Variants in TTC7B observed in about 807,000 individuals in gnomAD.
TTC7B encodes tetratricopeptide repeat protein 7B.
Under a neutral mutation model 106.8 loss-of-function variants are expected in TTC7B, and 28 were observed. That is an observed-to-expected ratio of 0.26 (90% CI 0.19 to 0.36). The LOEUF (loss-of-function observed/expected upper bound fraction) is 0.36. Ranked by LOEUF, TTC7B falls within the 10% of genes least tolerant of loss-of-function variation. TTC7B has a pLI of 1.00. For synonymous variants in TTC7B, 405 were observed against 430.6 expected (o/e 0.94, Z 0.74); for missense variants, 862 against 1,076.4 (o/e 0.80, Z 2.79).
chr14:90,658,472 C>T, intron 9 of TTC7B, 85 bp from the exon 10 acceptor site: 1 of 1,276,138 alleles, frequency 7.8e-7, no homozygotes, highest in Non-Finnish European at 1.1e-6. Context: ...TCTATGCACA[C>T]TAAGGTAAGT....
At chr14:90,743,757 T>A (rs902956230) in intron 4 of TTC7B, among the ~76,000 whole-genome samples, 1 of 146,160 alleles carries the variant, frequency 6.8e-6, no homozygotes, top group African/African-American at 2.6e-5. Context: ...AAGTAGGAAC[T>A]ATGATTATGT....
intron 17 of TTC7B, among the ~76,000 whole-genome samples, chr14:90,599,844 T>C (rs1401747539): frequency 6.6e-6 from 1 of 152,010 alleles, no homozygotes; most frequent in Non-Finnish European, 1.5e-5. Context: ...AGCAGTTCCA[T>C]CTCTTAAAGA....
chr14:90,772,449 G>A (rs1451252452), intron 3 of TTC7B, among the ~76,000 whole-genome samples: 1 of 152,090 alleles, frequency 6.6e-6, no homozygotes, highest in Non-Finnish European at 1.5e-5. Flanking sequence ...AAGTGTTTAC[G>A]ATCTATAGTG....
At position 90,608,468 on chromosome 14, in the gene TTC7B, C is replaced by T. The variant is rs1892740835; in HGVS notation, c.1966+2274G>A. 6.6e-6 allele frequency among the ~76,000 whole-genome samples: 1 copy of T among 152,104 alleles called. No homozygotes were observed. The highest frequency in any genetic ancestry group is 1.5e-5 in the Non-Finnish European group (1 of 68,020). On this transcript the variant is annotated intron_variant, in intron 17 of 19. Transcript: ENST00000328459. The surrounding 1 kb of genome is among the most constrained non-coding windows in gnomAD (Gnocchi z 5.1). ...AACAATGAAACCGTCTGTGGCAGTG[C>T]CTGGGAGGCTGTGGCTTCCCTGTTG...
intron 19 of TTC7B, among the ~76,000 whole-genome samples, chr14:90,542,077 C>T (rs980655464): frequency 2.0e-5 from 3 of 152,144 alleles, no homozygotes; most frequent in Admixed American, 6.5e-5. Flanking sequence ...GTAGCTGGGA[C>T]TACAGGCGCC....
At chr14:90,672,810 C>T (rs1228867380) in intron 9 of TTC7B, among the ~76,000 whole-genome samples, 1 of 152,136 alleles carries the variant, frequency 6.6e-6, no homozygotes, top group Admixed American at 6.5e-5. Context: ...CCTAGTAACT[C>T]CTGTATATAC....
chr14:90,646,420 T>A (rs376066228), intron 14 of TTC7B, among the ~76,000 whole-genome samples: 2 of 152,202 alleles, frequency 1.3e-5, no homozygotes, highest in African/African-American at 4.8e-5. Context: ...CGCAAGGAGA[T>A]AGTGTTAAGT....
intron 11 of TTC7B, among the ~76,000 whole-genome samples, chr14:90,656,907 A>C (rs1461741689): frequency 6.6e-6 from 1 of 152,204 alleles, no homozygotes; most frequent in African/African-American, 2.4e-5. Flanking sequence ...ATGAATTATA[A>C]TTCTGTCTTA....
chr14:90,712,231 T>C lies in TTC7B; in HGVS notation c.699-16653A>G, dbSNP rs181933182. ...ACTGAATGCTTTCTAAGATCAGGAA[T>C]ACAATAAGGATGTCTGCTCTTGCCA... On this transcript the variant is annotated intron_variant, in intron 5 of 19. Coordinates refer to ENST00000328459, the MANE Select transcript of TTC7B (RefSeq NM_001010854.2). Among the ~76,000 whole-genome samples the C allele has an allele frequency of 1.9e-3, 295 of 152,332 alleles. 1 individual carries two copies. Among genetic ancestry groups the C allele is most frequent in the African/African-American group, 6.7e-3 (280 of 41,578 alleles).
chr14:90,796,904 GTGGCAC>G (rs1009420174), intron 1 of TTC7B, among the ~76,000 whole-genome samples: 3 of 150,840 alleles, frequency 2.0e-5, no homozygotes. Context: ...CTGGAGTGCA[GTGGCAC>G]AATCTCAGCC....
At chr14:90,650,924 T>G (rs1383866726) in intron 13 of TTC7B, among the ~76,000 whole-genome samples, 1 of 152,224 alleles carries the variant, frequency 6.6e-6, no homozygotes, top group East Asian at 1.9e-4. Context: ...CCTCTTTGGA[T>G]CCACTAGAGA....
intron 6 of TTC7B, among the ~76,000 whole-genome samples, chr14:90,692,499 G>A (rs1354429186): frequency 6.6e-6 from 1 of 152,214 alleles, no homozygotes; most frequent in African/African-American, 2.4e-5. Flanking sequence ...GCTTATGAAT[G>A]TCATTAGATG....
chr14:90,719,612 G>A (rs971944078), intron 5 of TTC7B, among the ~76,000 whole-genome samples: 11 of 152,210 alleles, frequency 7.2e-5, no homozygotes, highest in Admixed American at 7.2e-4. Flanking sequence ...GTCACTTGAG[G>A]TGAAAAGGAA....
rs974548338 is a variant in TTC7B, at chr14:90,786,320, C to A, written c.130G>T (p.Ala44Ser). The change falls in exon 2 of 20, where the codon GCA becomes TCA. Residue 44 changes from alanine to serine, a missense_variant. Physicochemically the swap from Ala to Ser is moderately conservative, Grantham distance 99. Transcript: ENST00000328459. ...TTCGACTCCCCGAGGAGAAGCTCTG[C>A]CATGTCATCTACAAAAACAAAGTGA... ...SAKLIANDDM[A>S]ELLLGESKLE... is the part of the protein sequence containing the mutation. The A allele has an allele frequency of 6.2e-7, 1 of 1,613,330 alleles. No homozygotes were observed. Among genetic ancestry groups the A allele is most frequent in the Non-Finnish European group, 8.5e-7 (1 of 1,179,740 alleles).
chr14:90,669,435 A>G (rs1355735675), intron 9 of TTC7B, among the ~76,000 whole-genome samples: 1 of 151,990 alleles, frequency 6.6e-6, no homozygotes, highest in Non-Finnish European at 1.5e-5. Context: ...ATGGTAGCTC[A>G]TGCCTGTAAT....
rs1407488503 is a variant in TTC7B at position 90,604,783 on chromosome 14, AT to A, written c.1966+5958del. 2.0e-5 allele frequency among the ~76,000 whole-genome samples: 3 copies of A among 152,148 alleles called. No individual in the cohort carries two copies. In the South Asian group the frequency reaches 6.2e-4, roughly 32 times the overall value. ...TTAAGGGTTTTACCAACCAGTGTTC[AT>A]TTTCACACAGGGATCTTTCTTGTTG... On this transcript the variant is annotated intron_variant, in intron 17 of 19. Transcript: ENST00000328459.
chr14:90,754,837 T>C (rs1314003860), intron 3 of TTC7B, among the ~76,000 whole-genome samples: 2 of 152,234 alleles, frequency 1.3e-5, no homozygotes, highest in Non-Finnish European at 2.9e-5. Context: ...AGGTATGTGA[T>C]CTTTCATATG....
intron 13 of TTC7B, among the ~76,000 whole-genome samples, chr14:90,651,845 A>G (rs983474967): frequency 6.6e-6 from 1 of 152,200 alleles, no homozygotes; most frequent in African/African-American, 2.4e-5. Context: ...TACGGACACC[A>G]TGATAAATCA....
chr14:90,796,516 C>T (rs1432825616), intron 1 of TTC7B, among the ~76,000 whole-genome samples: 2 of 152,296 alleles, frequency 1.3e-5, no homozygotes, highest in African/African-American at 4.8e-5. Flanking sequence ...CCCCCCCACC[C>T]GGGGAAGGTG....
Sources: gnomAD v4.1 joint callset for allele counts (sites outside exome capture counted in the v4.1 genomes callset) on GRCh38, gnomAD v4.1.1 for gene constraint, Gnocchi (gnomAD v3.1) non-coding constraint, MANE v1.5 for transcripts, NCBI Gene and HGNC (gene_info 2026-07-23, HGNC 2026-07-21) for gene names.